Variants in ABTB2 observed in about 807,000 individuals in gnomAD.
The protein encoded by ABTB2 is ankyrin repeat and BTB/POZ domain-containing protein 2.
Under a neutral mutation model 104.1 loss-of-function variants are expected in ABTB2, and 56 were observed. That is an observed-to-expected ratio of 0.54 (90% CI 0.43 to 0.67). The LOEUF (loss-of-function observed/expected upper bound fraction) is 0.67, where lower values mean the gene tolerates loss of function less well. ABTB2 is among the 30% of genes least tolerant of loss of function. ABTB2 has a pLI of 0.00. For missense variants in ABTB2, 1,279 were observed against 1,407.7 expected (o/e 0.91, Z 1.46); for synonymous variants, 606 against 608.2 (o/e 1.00, Z 0.05).
chr11:34,345,232 A>G (rs1386435062), intron 1 of ABTB2, among the ~76,000 whole-genome samples: 2 of 152,154 alleles, frequency 1.3e-5, no homozygotes, highest in East Asian at 1.9e-4. Flanking sequence ...CACTCGCCCC[A>G]GCCGCACGGA....
chr11:34,356,951 G>A lies in ABTB2; in HGVS notation c.633C>T (p.Phe211=). The A allele has an allele frequency of 6.3e-7, 1 of 1,599,842 alleles. No homozygotes were observed. Residue 211 remains phenylalanine (F), a synonymous_variant, in exon 1 of 17, where the codon TTC becomes TTT. Coordinates refer to ENST00000435224, the MANE Select transcript of ABTB2 (RefSeq NM_145804.3). This position sits in a 1 kb window ranked among gnomAD's most constrained non-coding sequence, Gnocchi z 4.6. ...CGLTFSVGRF[F]RWMVDTRISV... ...AGATTCGGGTGTCCACCATCCAGCG[G>A]AAAAAGCGACCCACTGAGAAGGTGA...
intron 7 of ABTB2, among the ~76,000 whole-genome samples, chr11:34,166,412 T>A (rs931544952): frequency 1.3e-5 from 2 of 152,258 alleles, no homozygotes; most frequent in African/African-American, 4.8e-5. Context: ...GGCACAGCCC[T>A]GCAGGCCCAG....
rs1852911535 is a variant in ABTB2 at position 34,173,272 on chromosome 11, A to G, written c.1280T>C (p.Met427Thr). The change falls in exon 4 of 17, where the codon ATG becomes ACG. Residue 427 changes from methionine to threonine, a missense_variant. Met to Thr is a moderately conservative substitution (Grantham distance 81). Coordinates refer to ENST00000435224, the MANE Select transcript of ABTB2 (RefSeq NM_145804.3). ...FMLLPPLMEW[M>T]RVAITYAEHR... ...CTCTGCGTAGGTGATGGCCACGCGCATCCACTCCATGAGGGGCGGCAGCAG... is the reference window on the plus strand; with the variant it reads ...CTCTGCGTAGGTGATGGCCACGCGCGTCCACTCCATGAGGGGCGGCAGCAG... 1 of 1,607,580 alleles carries G rather than the reference A, an allele frequency of 6.2e-7. No homozygotes were observed. Among genetic ancestry groups the G allele is most frequent in the South Asian group, 1.1e-5 (1 of 89,892 alleles).
intron 1 of ABTB2, among the ~76,000 whole-genome samples, chr11:34,315,409 G>A (rs1383877158): frequency 1.3e-5 from 2 of 152,196 alleles, no homozygotes; most frequent in Non-Finnish European, 2.9e-5. Flanking sequence ...TCTGGGGCTT[G>A]GCTTTCCGAG....
intron 1 of ABTB2, among the ~76,000 whole-genome samples, chr11:34,299,727 T>G (rs1854676318): frequency 6.6e-6 from 1 of 152,218 alleles, no homozygotes; most frequent in African/African-American, 2.4e-5. Flanking sequence ...GCCAAGGCAT[T>G]TGGAGTTTGC....
At chr11:34,343,462 C>T (rs1454696517) in intron 1 of ABTB2, among the ~76,000 whole-genome samples, 2 of 151,944 alleles carry the variant, frequency 1.3e-5, no homozygotes, top group Admixed American at 1.3e-4. Context: ...CAGACAGACA[C>T]ACACACACAT....
chr11:34,155,797 T>C (rs1852617369), intron 14 of ABTB2, among the ~76,000 whole-genome samples: 1 of 152,234 alleles, frequency 6.6e-6, no homozygotes, highest in South Asian at 2.1e-4. Context: ...CACGGCCTTC[T>C]GCAGCCCCTG....
At chr11:34,306,231 G>A (rs1297384490) in intron 1 of ABTB2, among the ~76,000 whole-genome samples, 3 of 118,062 alleles carry the variant, frequency 2.5e-5, no homozygotes, top group African/African-American at 6.4e-5. Context: ...TGCCTGGAAA[G>A]TTTGATTTTT....
At chr11:34,299,437 G>T (rs1277755621) in intron 1 of ABTB2, among the ~76,000 whole-genome samples, 2 of 152,098 alleles carry the variant, frequency 1.3e-5, no homozygotes, top group Admixed American at 1.3e-4. Flanking sequence ...TCCCTTATTT[G>T]GAGGAGCTGC....
chr11:34,171,627 T>C (rs1852875285), intron 4 of ABTB2, among the ~76,000 whole-genome samples: 1 of 152,144 alleles, frequency 6.6e-6, no homozygotes, highest in East Asian at 1.9e-4. Flanking sequence ...CCCTTGTTGC[T>C]TCAACTGGCA....
Position 34,340,371 on chromosome 11 carries a change from C to A in ABTB2, c.883+16330G>T, listed in dbSNP as rs1362037292. On this transcript the variant is annotated intron_variant, in intron 1 of 16. Transcript: ENST00000435224. ...GGCTAAATGCTTTACTTAGCATCAT[C>A]CCATTTAATTCGCACAACCAGCCTG... Among the ~76,000 whole-genome samples, 3 of 152,218 alleles carry A rather than the reference C, an allele frequency of 2.0e-5. No individual in the cohort carries two copies. The East Asian group carries it at 5.8e-4, about 29-fold the overall frequency.
intron 3 of ABTB2, among the ~76,000 whole-genome samples, chr11:34,177,583 G>C (rs1266695454): frequency 6.6e-6 from 1 of 152,102 alleles, no homozygotes; most frequent in Non-Finnish European, 1.5e-5. Flanking sequence ...GAACATTCCA[G>C]TCCAGTTTCC....
At chr11:34,164,594 T>C (rs1046045191) in intron 9 of ABTB2, 92 bp downstream of exon 9, 4 of 1,352,216 alleles carry the variant, frequency 3.0e-6, no homozygotes, top group Non-Finnish European at 3.8e-6. Flanking sequence ...TCTCCGGGCC[T>C]AGCTCTTTTG....
rs749712157 is a variant in ABTB2 at position 34,173,217 on chromosome 11, G to A, written c.1335C>T (p.Gly445=). 9.9e-6 allele frequency: 16 copies of A among 1,613,464 alleles called. No individual in the cohort carries two copies. Among genetic ancestry groups the A allele is most frequent in the Admixed American group, 3.3e-5 (2 of 59,966 alleles). Reference sequence around the variant, plus strand: ...GCAGCCGGGCTGCCTGCCGGATGTCGCCGCTGTCCACGGTGAGGCTGCGGC... The same window carrying A: ...GCAGCCGGGCTGCCTGCCGGATGTCACCGCTGTCCACGGTGAGGCTGCGGC... ...EHRRSLTVDS[G]DIRQAARLLL... The change falls in exon 4 of 17, where the codon GGC becomes GGT. Residue 445 remains glycine, a synonymous_variant. Transcript: ENST00000435224.
intron 4 of ABTB2, 94 bp downstream of exon 4, chr11:34,173,060 AC>A: frequency 1.3e-6 from 2 of 1,509,260 alleles, no homozygotes; most frequent in Non-Finnish European, 1.8e-6. Context: ...CTGCTCTCTG[AC>A]CCCCGCCCAG....
intron 1 of ABTB2, among the ~76,000 whole-genome samples, chr11:34,294,532 A>C (rs1854598079): frequency 6.6e-6 from 1 of 152,074 alleles, no homozygotes. Context: ...ATGAGTTAGA[A>C]GACGGAAATT....
At chr11:34,315,133 A>G (rs557116667) in intron 1 of ABTB2, among the ~76,000 whole-genome samples, 1 of 152,352 alleles carries the variant, frequency 6.6e-6, no homozygotes, top group African/African-American at 2.4e-5. Flanking sequence ...TGGACAGTGC[A>G]TTTGCATGAG....
Position 34,151,134 on chromosome 11 carries a change from A to T in ABTB2, c.*1253T>A, listed in dbSNP as rs1466305280. On this transcript the variant is annotated 3_prime_UTR_variant, in exon 17 of 17. Coordinates refer to ENST00000435224, the MANE Select transcript of ABTB2 (RefSeq NM_145804.3). The stretch of plus-strand genomic sequence containing the variant: ...ACATCCAGCCAAGCAGCTAGTCAAA[A>T]TATTTTCCAGAATTGCAAGCCCCTG... The T allele has an allele frequency of 6.6e-6, 1 of 152,666 alleles. No homozygotes were observed. Among genetic ancestry groups the T allele is most frequent in the Non-Finnish European group, 1.5e-5 (1 of 68,052 alleles). The allele number at this position is 152,666 out of a possible 1,614,324, so 9.5% of individuals were successfully genotyped here. A position where few individuals can be genotyped will look rare whatever the true frequency, so the allele number is the denominator to read the frequency against.
At position 34,356,880 on chromosome 11, in the gene ABTB2, A is replaced by T; in HGVS notation, c.704T>A (p.Met235Lys). 6.2e-7 allele frequency: 1 copy of T among 1,605,430 alleles called. No homozygotes were observed. The highest frequency in any genetic ancestry group is 8.5e-7 in the Non-Finnish European group (1 of 1,175,880). ...CCGGATCTCCTCCACCAGGTTCTCC[A>T]TGCAGGCGGTGAGGGAGATGGCTGC... The part of the protein sequence containing the change: ...EYAAISLTAC[M>K]ENLVEEIRAR... Residue 235 changes from methionine to lysine, a missense_variant, in exon 1 of 17, where the codon ATG (methionine) becomes AAG (lysine). By Grantham distance (95) the Met-to-Lys change is moderately conservative. Coordinates refer to ENST00000435224, the MANE Select transcript of ABTB2 (RefSeq NM_145804.3). This position sits in a 1 kb window ranked among gnomAD's most constrained non-coding sequence, Gnocchi z 4.6.
Sources: gnomAD v4.1 joint callset for allele counts (sites outside exome capture counted in the v4.1 genomes callset) on GRCh38, gnomAD v4.1.1 for gene constraint, Gnocchi (gnomAD v3.1) non-coding constraint, MANE v1.5 for transcripts, NCBI Gene and HGNC (gene_info 2026-07-23, HGNC 2026-07-21) for gene names.